The following TOGARAM2 variants were observed in gnomAD, a reference collection of about 807,000 sequenced individuals.
The protein encoded by TOGARAM2 is TOG array regulator of axonemal microtubules 2.
Under a neutral mutation model 93.3 loss-of-function variants are expected in TOGARAM2, and 85 were observed. The ratio of observed to expected loss-of-function variants is 0.91; its 90% confidence interval spans 0.76 to 1.09. The LOEUF (loss-of-function observed/expected upper bound fraction) is 1.09. TOGARAM2 is among the 50% of genes least tolerant of loss of function. The pLI is 0.00. For synonymous variants in TOGARAM2, 593 were observed against 552.8 expected (o/e 1.07, Z -1.02); for missense variants, 1,277 against 1,334.5 (o/e 0.96, Z 0.67).
At chr2:29,043,605 C>T (rs954592959) in intron 18 of TOGARAM2, among the ~76,000 whole-genome samples, 2 of 152,250 alleles carry the variant, frequency 1.3e-5, no homozygotes, top group African/African-American at 4.8e-5. Context: ...CCTCACCTAC[C>T]TGACAGGTGC....
chr2:29,002,373 G>A (rs1673351033), intron 4 of TOGARAM2, among the ~76,000 whole-genome samples, 163 bp from the exon 5 acceptor site: 1 of 152,202 alleles, frequency 6.6e-6, no homozygotes, highest in Non-Finnish European at 1.5e-5. Context: ...AGAAGTGGCT[G>A]CTTGCTCAGT....
At chr2:28,962,143 C>G (rs993579893) in intron 1 of TOGARAM2, among the ~76,000 whole-genome samples, 1 of 151,060 alleles carries the variant, frequency 6.6e-6, no homozygotes. Flanking sequence ...GGAGAATTTG[C>G]GGATATTGCT....
chr2:29,023,775 A>C (rs906327043), intron 12 of TOGARAM2, among the ~76,000 whole-genome samples: 11 of 151,352 alleles, frequency 7.3e-5, no homozygotes, highest in African/African-American at 2.5e-4. Flanking sequence ...ATCCAGAAAA[A>C]ATACAGTTAC....
intron 14 of TOGARAM2, among the ~76,000 whole-genome samples, chr2:29,027,721 G>C (rs554575622): frequency 6.6e-6 from 1 of 152,128 alleles, no homozygotes; most frequent in Non-Finnish European, 1.5e-5. Context: ...TTGGTGGGGG[G>C]GCTGCTTTAG....
intron 1 of TOGARAM2, among the ~76,000 whole-genome samples, chr2:28,987,428 C>T (rs796429141): frequency 3.3e-5 from 5 of 152,086 alleles, no homozygotes; most frequent in Admixed American, 6.5e-5. Context: ...TAGCTGGGAC[C>T]GCAGGCATCC....
intron 2 of TOGARAM2, among the ~76,000 whole-genome samples, chr2:28,995,970 T>G (rs186445689): frequency 1.6e-4 from 25 of 152,232 alleles, no homozygotes; most frequent in African/African-American, 6.0e-4. Context: ...GGTACAGTAC[T>G]ACAGAGATGA....
intron 10 of TOGARAM2, among the ~76,000 whole-genome samples, chr2:29,020,072 C>T (rs896752512): frequency 6.6e-6 from 1 of 152,188 alleles, no homozygotes. Context: ...GCAGTCAGTC[C>T]CTACTACTGT....
intron 1 of TOGARAM2, among the ~76,000 whole-genome samples, chr2:28,969,598 G>A (rs1167778355): frequency 6.6e-6 from 1 of 152,150 alleles, no homozygotes; most frequent in Non-Finnish European, 1.5e-5. Flanking sequence ...GCACCAGACA[G>A]ACCTCTGTTG....
At chr2:28,959,561 G>A (rs1671773809) in intron 1 of TOGARAM2, among the ~76,000 whole-genome samples, 1 of 152,078 alleles carries the variant, frequency 6.6e-6, no homozygotes, top group Non-Finnish European at 1.5e-5. Flanking sequence ...TGACCATCCT[G>A]GCTAACATGC....
At chr2:29,050,634 A>C (rs1322777347) in intron 19 of TOGARAM2, 1 of 152,162 alleles carries the variant, frequency 6.6e-6, no homozygotes, top group Non-Finnish European at 1.5e-5. Flanking sequence ...CAGGATATGG[A>C]AACTGTTTTC....
Position 28,994,717 on chromosome 2 carries a change from AC to A in TOGARAM2, c.-110-5del. The A allele has an allele frequency of 2.0e-6, 2 of 1,010,962 alleles. No individual in the cohort carries two copies. The highest frequency in any genetic ancestry group is 2.1e-4 in the Middle Eastern group (1 of 4,746). The allele number at this position is 1,010,962 out of a possible 1,614,324, so 62.6% of individuals were successfully genotyped here. ...TTACTGACTTCTCCTTTCTCCTCTC[AC>A]CCTTAGGTCCCGGATGTTACAGGTC... is the stretch of plus-strand genomic sequence containing the variant. On this transcript the variant is annotated splice_polypyrimidine_tract_variant and splice_region_variant and intron_variant, in intron 1 of 19. Coordinates refer to ENST00000379558, the MANE Select transcript of TOGARAM2 (RefSeq NM_199280.4).
chr2:28,966,275 G>A (rs1193794265), intron 1 of TOGARAM2, among the ~76,000 whole-genome samples: 2 of 151,938 alleles, frequency 1.3e-5, no homozygotes, highest in East Asian at 3.9e-4. Flanking sequence ...ACAGGCGTGA[G>A]CTTATTTAAT....
intron 18 of TOGARAM2, among the ~76,000 whole-genome samples, chr2:29,043,115 G>A (rs1472773780): frequency 6.6e-6 from 1 of 152,180 alleles, no homozygotes; most frequent in African/African-American, 2.4e-5. Flanking sequence ...GAAACAAACA[G>A]GTGCCATTCA....
chr2:29,034,629 A>C (rs1665970291), intron 16 of TOGARAM2, among the ~76,000 whole-genome samples: 1 of 152,194 alleles, frequency 6.6e-6, no homozygotes, highest in South Asian at 2.1e-4. Flanking sequence ...CTTGGAGCTG[A>C]AGGTGGGAGA....
chr2:29,006,107 TGGA>T (rs1558424460), intron 6 of TOGARAM2, among the ~76,000 whole-genome samples: 1 of 142,924 alleles, frequency 7.0e-6, no homozygotes, highest in East Asian at 2.2e-4. Flanking sequence ...TGCATGTGTG[TGGA>T]GTGCATATGT....
intron 1 of TOGARAM2, among the ~76,000 whole-genome samples, chr2:28,973,647 C>T (rs559008636): frequency 3.7e-4 from 56 of 151,852 alleles, no homozygotes; most frequent in African/African-American, 1.2e-3. Flanking sequence ...CTCAGCCTCC[C>T]AAGTAGCTGC....
At chr2:28,961,096 T>A (rs1375906942) in intron 1 of TOGARAM2, among the ~76,000 whole-genome samples, 5 of 152,166 alleles carry the variant, frequency 3.3e-5, no homozygotes. Context: ...GAGAACCAGA[T>A]TCAGTTCTAG....
Position 29,018,001 on chromosome 2 carries a change from C to A in TOGARAM2, c.1360+45C>A, listed in dbSNP as rs772035646. ...AGGCACACGTGTCCCTCTGCCCATGCTGCCTCAGGATGCCCTGAGGCATGG... is the reference window on the plus strand; with the variant it reads ...AGGCACACGTGTCCCTCTGCCCATGATGCCTCAGGATGCCCTGAGGCATGG... On this transcript the variant is annotated intron_variant, in intron 10 of 19. Transcript: ENST00000379558. 4.6e-6 allele frequency: 7 copies of A among 1,533,438 alleles called. No homozygotes were observed. The African/African-American group carries it at 9.7e-5, about 21-fold the overall frequency. The allele number at this position is 1,533,438 out of a possible 1,614,324, so 95.0% of individuals were successfully genotyped here.
chr2:28,993,976 A>G (rs1340576801), intron 1 of TOGARAM2, among the ~76,000 whole-genome samples: 1 of 152,262 alleles, frequency 6.6e-6, no homozygotes, highest in Non-Finnish European at 1.5e-5. Flanking sequence ...ACCACAGATC[A>G]GCTCTGGAAG....
Sources: gnomAD v4.1 joint callset for allele counts (sites outside exome capture counted in the v4.1 genomes callset) on GRCh38, gnomAD v4.1.1 for gene constraint, MANE v1.5 for transcripts, NCBI Gene and HGNC (gene_info 2026-07-23, HGNC 2026-07-21) for gene names.